CSMD1: variants seen among roughly 807,000 people sequenced by gnomAD.
The protein encoded by CSMD1 is CUB and Sushi multiple domains 1, also known as CUB and sushi domain-containing protein 1.
CSMD1 carries 213 observed loss-of-function variants against 417.5 expected under a neutral mutation model. The observed-to-expected ratio is 0.51, with a 90% CI of 0.46 to 0.57. The LOEUF is 0.57. CSMD1 is among the 20% of genes least tolerant of loss of function. CSMD1 has a pLI of 0.00. For missense variants in CSMD1, 6,923 were observed against 4,529.7 expected (o/e 1.53, Z -15.17); for synonymous variants, 2,862 against 1,736.8 (o/e 1.65, Z -16.11).
intron 3 of CSMD1, among the ~76,000 whole-genome samples, chr8:4,099,814 C>A (rs528027391): frequency 8.5e-5 from 13 of 152,276 alleles, no homozygotes; most frequent in African/African-American, 3.1e-4. Flanking sequence ...CTTTAAATCC[C>A]TGATTGTATC....
At chr8:4,792,983 A>AATATATATATAT (rs34947549) in intron 1 of CSMD1, among the ~76,000 whole-genome samples, 11 of 148,582 alleles carry the variant, frequency 7.4e-5, no homozygotes, top group African/African-American at 2.7e-4. Context: ...ATGTGTATGC[A>AATATATATATAT]ATATATATAT....
intron 11 of CSMD1, among the ~76,000 whole-genome samples, chr8:3,489,399 A>G (rs1054741363): frequency 1.3e-5 from 2 of 152,192 alleles, no homozygotes; most frequent in Non-Finnish European, 2.9e-5. Flanking sequence ...CCTGCCACCC[A>G]CAGAACGTCC....
intron 3 of CSMD1, among the ~76,000 whole-genome samples, chr8:4,356,301 A>G (rs1159148280): frequency 2.7e-5 from 4 of 150,662 alleles, no homozygotes; most frequent in East Asian, 2.0e-4. Flanking sequence ...ATTCCTTATT[A>G]TGGCTAAGTA....
chr8:3,355,073 C>T (rs1096505), intron 21 of CSMD1, among the ~76,000 whole-genome samples: 48,243 of 151,610 alleles, frequency 0.32, 7,809 homozygotes, highest in East Asian at 0.47. Context: ...CATTCAAAAA[C>T]TGAGGATAAG....
In CSMD1 at chr8:3,991,427, C is replaced by CA. The variant is rs138052646; in HGVS notation, c.818+6475dup. On this transcript the variant is annotated intron_variant, in intron 5 of 69. Coordinates refer to ENST00000635120, the MANE Select transcript of CSMD1 (RefSeq NM_033225.6). Reference sequence around the variant, plus strand: ...TAGTCACATCTTTATGCGACAGCTTCATGGTAACATCAGCTTGTCATTCAT... The same window carrying CA: ...TAGTCACATCTTTATGCGACAGCTTCAATGGTAACATCAGCTTGTCATTCAT... Among the ~76,000 whole-genome samples the CA allele has an allele frequency of 2.6e-3, 397 of 152,306 alleles. 1 individual carries two copies. The highest frequency in any genetic ancestry group is 8.6e-3 in the African/African-American group (357 of 41,570).
chr8:3,925,006 A>G (rs1809550842), intron 5 of CSMD1, among the ~76,000 whole-genome samples: 1 of 152,032 alleles, frequency 6.6e-6, no homozygotes, highest in Non-Finnish European at 1.5e-5. Flanking sequence ...CTGACTGGTA[A>G]GAGAAAGACT....
chr8:4,776,701 G>C (rs1033319132), intron 1 of CSMD1, among the ~76,000 whole-genome samples: 3 of 152,132 alleles, frequency 2.0e-5, no homozygotes, highest in African/African-American at 7.2e-5. Context: ...CAGAACACTG[G>C]CTTGATTCCA....
At chr8:4,437,292 A>G (rs1031168632) in intron 2 of CSMD1, among the ~76,000 whole-genome samples, 3 of 152,210 alleles carry the variant, frequency 2.0e-5, no homozygotes, top group Non-Finnish European at 4.4e-5. Context: ...TAACTGAAAT[A>G]TGATTATTTA....
At chr8:3,477,231 T>A (rs1246187357) in intron 11 of CSMD1, among the ~76,000 whole-genome samples, 1 of 152,204 alleles carries the variant, frequency 6.6e-6, no homozygotes, top group African/African-American at 2.4e-5. Context: ...ATTTTATGGG[T>A]ATGTACCTGA....
chr8:2,938,790 C>A, intron 69 of CSMD1, 46 bp from the exon 70 acceptor site: 2 of 1,523,212 alleles, frequency 1.3e-6, no homozygotes, highest in African/African-American at 1.4e-5. Context: ...GTTTCATTTG[C>A]AGATTTAGCA....
intron 3 of CSMD1, among the ~76,000 whole-genome samples, chr8:4,127,951 G>C (rs1473816932): frequency 6.6e-6 from 1 of 152,198 alleles, no homozygotes; most frequent in African/African-American, 2.4e-5. Context: ...ATTCTGTCTT[G>C]CAAAGCCTTG....
intron 26 of CSMD1, among the ~76,000 whole-genome samples, chr8:3,274,188 C>T (rs1417512321): frequency 6.6e-6 from 1 of 151,510 alleles, no homozygotes; most frequent in South Asian, 2.1e-4. Context: ...GTTATGTACC[C>T]AGTAGTCATT....
intron 9 of CSMD1, among the ~76,000 whole-genome samples, chr8:3,578,264 A>C (rs1800234849): frequency 6.6e-6 from 1 of 152,170 alleles, no homozygotes; most frequent in Non-Finnish European, 1.5e-5. Flanking sequence ...CTGAGAAAGA[A>C]GAGATGACCC....
intron 2 of CSMD1, among the ~76,000 whole-genome samples, chr8:4,438,014 A>G (rs1798245469): frequency 6.6e-6 from 1 of 152,146 alleles, no homozygotes; most frequent in African/African-American, 2.4e-5. Context: ...CTGCATTTAA[A>G]AGGGGGCATG....
intron 3 of CSMD1, among the ~76,000 whole-genome samples, chr8:4,075,898 T>A (rs1799796770): frequency 6.6e-6 from 1 of 152,188 alleles, no homozygotes. Context: ...ATAATTGGAA[T>A]CTTTCCCAAT....
chr8:3,132,770 T>C (rs1398544682), intron 41 of CSMD1, among the ~76,000 whole-genome samples: 20 of 152,306 alleles, frequency 1.3e-4, no homozygotes, highest in Admixed American at 1.2e-3. Flanking sequence ...CTCTCCTAAT[T>C]TGACTCCACT....
rs761630990 is a variant in CSMD1, at chr8:3,162,263, C to A, written c.5740G>T (p.Ala1914Ser). ...CTGGGGAGGGCTGGTTCTTGGCATGCAGCAAGACCTACAGCTAGAAATGCA... is the reference window on the plus strand; with the variant it reads ...CTGGGGAGGGCTGGTTCTTGGCATGAAGCAAGACCTACAGCTAGAAATGCA... ...HLEYKTVGLA[A>S]CQEPALPSNS... is the part of the protein sequence containing the mutation. Residue 1914 changes from alanine (A) to serine (S), a missense_variant, in exon 38 of 70, where the codon GCA becomes TCA. By Grantham distance (99) the Ala-to-Ser change is moderately conservative. Transcript: ENST00000635120. 6.2e-7 allele frequency: 1 copy of A among 1,605,634 alleles called. No individual in the cohort carries two copies. The highest frequency in any genetic ancestry group is 8.5e-7 in the Non-Finnish European group (1 of 1,175,056).
chr8:3,972,123 G>A (rs1037276279), intron 5 of CSMD1, among the ~76,000 whole-genome samples: 2 of 152,080 alleles, frequency 1.3e-5, no homozygotes, highest in Admixed American at 1.3e-4. Context: ...CTCCTGCCTG[G>A]GACGGCGAAA....
intron 7 of CSMD1, among the ~76,000 whole-genome samples, chr8:3,654,543 TCA>T (rs1278029265): frequency 6.6e-6 from 1 of 152,162 alleles, no homozygotes. Flanking sequence ...TAAGAAATTG[TCA>T]TGATTATACG....
Sources: gnomAD v4.1 joint callset for allele counts (sites outside exome capture counted in the v4.1 genomes callset) on GRCh38, gnomAD v4.1.1 for gene constraint, MANE v1.5 for transcripts, NCBI Gene and HGNC (gene_info 2026-07-23, HGNC 2026-07-21) for gene names.